Variants in ZSCAN5A observed in about 807,000 individuals in gnomAD.
ZSCAN5A encodes zinc finger and SCAN domain-containing protein 5A.
In ZSCAN5A, 12 loss-of-function variants were observed where a neutral mutation model predicts 23.7. The ratio of observed to expected loss-of-function variants is 0.51; its 90% CI spans 0.32 to 0.82. The LOEUF is 0.82. Ranked by LOEUF, ZSCAN5A falls within the 40% of genes least tolerant of loss-of-function variation. The pLI, the probability that ZSCAN5A is intolerant of heterozygous loss-of-function variation, is 0.03. For synonymous variants in ZSCAN5A, 257 were observed against 239.9 expected, an observed-to-expected ratio of 1.07 and a Z score of -0.66; for missense variants, 597 against 617.9, an observed-to-expected ratio of 0.97 and a Z score of 0.36.
intron 2 of ZSCAN5A, among the ~76,000 whole-genome samples, chr19:56,232,723 G>C (rs1351527479): frequency 6.6e-6 from 1 of 151,688 alleles, no homozygotes; most frequent in Non-Finnish European, 1.5e-5. Flanking sequence ...CTGTTGCCCA[G>C]GCTGAAGCAC....
intron 2 of ZSCAN5A, chr19:56,343,235 T>C (rs1398919504): frequency 4.9e-6 from 4 of 824,644 alleles, no homozygotes; most frequent in Non-Finnish European, 8.0e-6. Flanking sequence ...TTTCTGGTGA[T>C]GTCCTTGGCA....
In ZSCAN5A at chr19:56,326,027, G is replaced by A. The variant is rs547305114; in HGVS notation, c.-357-9759C>T. 7.2e-5 allele frequency among the ~76,000 whole-genome samples: 11 copies of A among 151,924 alleles called. No homozygotes were observed. In the South Asian group the frequency reaches 2.1e-3, roughly 29 times the overall value. The stretch of plus-strand genomic sequence containing the variant: ...CGCTCACTGCAAGCTCCACCTCCCG[G>A]GTTCACGCCATTCTCCTGCCTCAGC... On this transcript the variant is annotated intron_variant, in intron 2 of 6. Transcript: ENST00000587340.
chr19:56,364,059 TCAGAGACCTCTG>T (rs1039252848), intron 1 of ZSCAN5A, among the ~76,000 whole-genome samples: 23 of 152,214 alleles, frequency 1.5e-4, no homozygotes, highest in African/African-American at 5.5e-4. Context: ...CAAAGGCATT[TCAGAGACCTCTG>T]CAGCAACCCC....
chr19:56,223,235 C>T (rs2033490149), intron 4 of ZSCAN5A, among the ~76,000 whole-genome samples: 1 of 152,188 alleles, frequency 6.6e-6, no homozygotes, highest in African/African-American at 2.4e-5. Flanking sequence ...TCCGGAAAGG[C>T]AGAATCACCC....
At chr19:56,225,406 G>C (rs1010081538) in intron 2 of ZSCAN5A, 2 of 196,786 alleles carry the variant, frequency 1.0e-5, no homozygotes, top group African/African-American at 2.3e-5. Context: ...CTGTCAATTG[G>C]AACAACATTG....
intron 2 of ZSCAN5A, chr19:56,243,944 T>C: frequency 1.7e-6 from 1 of 581,724 alleles, no homozygotes; most frequent in Non-Finnish European, 3.1e-6. Flanking sequence ...AATCTATTAT[T>C]GAGGAAAACC....
intron 2 of ZSCAN5A, among the ~76,000 whole-genome samples, chr19:56,327,317 A>G (rs949047900): frequency 2.6e-5 from 4 of 151,950 alleles, no homozygotes; most frequent in Admixed American, 6.6e-5. Flanking sequence ...GGGTCTTGCT[A>G]TATTTCTCAG....
chr19:56,244,373 A>G, intron 2 of ZSCAN5A: 4 of 1,572,806 alleles, frequency 2.5e-6, no homozygotes, highest in Non-Finnish European at 3.4e-6. Flanking sequence ...CGGTGTGCAG[A>G]GCTGCAAAGA....
At chr19:56,233,927 G>A (rs1009676841) in intron 2 of ZSCAN5A, among the ~76,000 whole-genome samples, 1 of 152,108 alleles carries the variant, frequency 6.6e-6, no homozygotes, top group African/African-American at 2.4e-5. Flanking sequence ...GCCAGGCACC[G>A]TGAGCACGCA....
At chr19:56,234,059 G>C (rs1479778422) in intron 2 of ZSCAN5A, among the ~76,000 whole-genome samples, 2 of 152,164 alleles carry the variant, frequency 1.3e-5, no homozygotes, top group African/African-American at 4.8e-5. Flanking sequence ...ATAAGAGATT[G>C]TGTGTCCGGA....
chr19:56,304,041 A>G (rs925881017), intron 2 of ZSCAN5A, among the ~76,000 whole-genome samples: 5 of 152,304 alleles, frequency 3.3e-5, no homozygotes, highest in Admixed American at 3.3e-4. Context: ...GTTCTAAGCT[A>G]GTGGACAGCC....
chr19:56,240,170 C>A (rs899110170), intron 2 of ZSCAN5A, among the ~76,000 whole-genome samples: 3 of 141,480 alleles, frequency 2.1e-5, no homozygotes, highest in East Asian at 4.1e-4. Flanking sequence ...TCAAAAAAAA[C>A]CAAAAGAAGA....
At chr19:56,242,146 C>T (rs985375781) in intron 2 of ZSCAN5A, among the ~76,000 whole-genome samples, 6 of 152,156 alleles carry the variant, frequency 3.9e-5, no homozygotes, top group African/African-American at 1.2e-4. Context: ...CTCTAATTTA[C>T]ATCCCAGCAC....
chr19:56,283,073 G>A (rs1392840529), intron 2 of ZSCAN5A: 1 of 152,136 alleles, frequency 6.6e-6, no homozygotes, highest in East Asian at 1.9e-4. Flanking sequence ...CTTCCTAGGT[G>A]GGGCAATCTT....
chr19:56,302,514 C>CCG (rs2040334331), intron 2 of ZSCAN5A, among the ~76,000 whole-genome samples: 1 of 28,506 alleles, frequency 3.5e-5, no homozygotes, highest in Non-Finnish European at 8.7e-5. Flanking sequence ...CCCTTCTTTC[C>CCG]TTCCTCCCTC....
chr19:56,345,866 G>T (rs2041628307), intron 2 of ZSCAN5A, among the ~76,000 whole-genome samples: 1 of 152,204 alleles, frequency 6.6e-6, no homozygotes. Flanking sequence ...AGACTTTGTT[G>T]TGATAACTAT....
chr19:56,274,813 C>A (rs2038130195), intron 2 of ZSCAN5A: 1 of 152,124 alleles, frequency 6.6e-6, no homozygotes, highest in Non-Finnish European at 1.5e-5. Context: ...AGCTCTTGCT[C>A]AACCATGTTG....
chr19:56,311,590 C>T (rs1375344031), intron 2 of ZSCAN5A, among the ~76,000 whole-genome samples: 1 of 152,038 alleles, frequency 6.6e-6, no homozygotes, highest in African/African-American at 2.4e-5. Flanking sequence ...TTCTTTTACC[C>T]CAGGGATCAT....
At chr19:56,320,171 G>T in intron 2 of ZSCAN5A, 1 of 705,428 alleles carries the variant, frequency 1.4e-6, no homozygotes, top group East Asian at 2.7e-5. Context: ...GAAACTTCCT[G>T]GTTGTTTCAA....
Sources: gnomAD v4.1 joint callset for allele counts (sites outside exome capture counted in the v4.1 genomes callset) on GRCh38, gnomAD v4.1.1 for gene constraint, MANE v1.5 for transcripts, NCBI Gene and HGNC (gene_info 2026-07-23, HGNC 2026-07-21) for gene names.